The following FAN1 variants were observed in gnomAD, a reference collection of about 807,000 sequenced individuals.
FAN1 encodes FANCD2 and FANCI associated nuclease 1.
FAN1 carries 91 observed loss-of-function variants against 104.9 expected under a neutral mutation model. The ratio of observed to expected loss-of-function variants is 0.87; its 90% CI spans 0.73 to 1.03. The LOEUF (loss-of-function observed/expected upper bound fraction) is 1.03, where lower values mean the gene tolerates loss of function less well. FAN1 is among the 50% of genes least tolerant of loss of function. FAN1 has a pLI of 0.00. For synonymous variants in FAN1, 478 were observed against 457.6 expected, an observed-to-expected ratio of 1.04 and a Z score of -0.57; for missense variants, 1,263 against 1,239.9, an observed-to-expected ratio of 1.02 and a Z score of -0.28.
In FAN1 at chr15:30,930,633, G is replaced by A. The variant is rs751703979; in HGVS notation, c.2878G>A (p.Asp960Asn). 7.1e-5 allele frequency: 115 copies of A among 1,612,786 alleles called. No individual in the cohort carries two copies. The highest frequency in any genetic ancestry group is 9.0e-5 in the Non-Finnish European group (106 of 1,179,542). Residue 960 changes from aspartate (D) to asparagine (N), a missense_variant, in exon 13 of 15, where the codon GAC (aspartate) becomes AAC (asparagine). By Grantham distance (23) the Asp-to-Asn change is conservative. Coordinates refer to ENST00000362065, the MANE Select transcript of FAN1 (RefSeq NM_014967.5). ...TCGACACTGTCGAGGGGGCCTCCCC[G>A]ACCTGGTGGTGTGGAACTCCCAGAG... is the stretch of plus-strand genomic sequence containing the variant. ...DFRHCRGGLP[D>N]LVVWNSQSRH... is the part of the protein sequence containing the mutation.
In FAN1 at chr15:30,925,156, G is replaced by T; in HGVS notation, c.2202G>T (p.Ala734=). 1 of 1,613,882 alleles carries T rather than the reference G, an allele frequency of 6.2e-7. No homozygotes were observed. The highest frequency in any genetic ancestry group is 1.7e-5 in the Admixed American group (1 of 60,004). ...TCAAGTGCATCACAGAGGGGCTGGC[G>T]GATCCGGAAGTCAGAACGGGACACC... The part of the protein sequence containing the change: ...PTIKCITEGL[A]DPEVRTGHRL... The change falls in exon 9 of 15, where the codon GCG becomes GCT. Residue 734 remains alanine (A), a synonymous_variant. Coordinates refer to ENST00000362065, the MANE Select transcript of FAN1 (RefSeq NM_014967.5).
chr15:30,937,640 C>T (rs1482921367), intron 14 of FAN1, among the ~76,000 whole-genome samples: 3 of 151,278 alleles, frequency 2.0e-5, no homozygotes, highest in Admixed American at 6.6e-5. Flanking sequence ...TTAGTAGAGA[C>T]GGGGTTTCAC....
intron 2 of FAN1, among the ~76,000 whole-genome samples, chr15:30,906,147 G>A (rs2061974211): frequency 2.0e-5 from 3 of 152,144 alleles, no homozygotes; most frequent in African/African-American, 7.2e-5. Flanking sequence ...GGAAGCAGCT[G>A]TTTTTCTTTT....
intron 11 of FAN1, chr15:30,928,899 C>A (rs964778270): frequency 3.2e-6 from 2 of 623,260 alleles, no homozygotes; most frequent in South Asian, 1.4e-4. Context: ...GTATAAAGTA[C>A]CATCAGCATC....
In FAN1 at chr15:30,941,847, G is replaced by A. The variant is rs750740747; in HGVS notation, c.*285G>A. 5.6e-6 allele frequency: 9 copies of A among 1,614,060 alleles called. 1 individual carries two copies. Among genetic ancestry groups the A allele is most frequent in the Non-Finnish European group, 7.6e-6 (9 of 1,179,910 alleles). ...TAGCACAGTTTCCACAGTTTTATGT[G>A]TGTTCCAGAGACACGTGGCAGAATA... On this transcript the variant is annotated 3_prime_UTR_variant, in exon 15 of 15. Transcript: ENST00000362065.
Position 30,907,559 on chromosome 15 carries a change from A to T in FAN1, c.1235-559A>T, listed in dbSNP as rs947614727. Among the ~76,000 whole-genome samples the T allele has an allele frequency of 5.9e-5, 9 of 152,234 alleles. No individual in the cohort carries two copies. In the South Asian group the frequency reaches 1.9e-3, roughly 32 times the overall value. ...AAAACAAAACAAAAAAACAACCAAA[A>T]AAAACAACACCAGCATGAACCATCA... On this transcript the variant is annotated intron_variant, in intron 2 of 14. Transcript: ENST00000362065.
chr15:30,927,131 C>A, intron 10 of FAN1: 1 of 912,616 alleles, frequency 1.1e-6, no homozygotes, highest in Non-Finnish European at 1.3e-6. Context: ...ATCTCTTGAC[C>A]CCAGGAGGTC....
intron 4 of FAN1, chr15:30,911,580 CGT>C (rs1566913620): frequency 7.3e-6 from 7 of 961,160 alleles, no homozygotes; most frequent in Non-Finnish European, 8.7e-6. Flanking sequence ...GAAAAAAGCT[CGT>C]GTTATAGATT....
intron 10 of FAN1, chr15:30,926,705 A>G (rs2062472186): frequency 1.6e-5 from 16 of 985,430 alleles, no homozygotes; most frequent in Non-Finnish European, 1.9e-5. Context: ...TAGAATGCAC[A>G]TTCAAGGCCC....
intron 5 of FAN1, among the ~76,000 whole-genome samples, chr15:30,914,394 A>G (rs887425576): frequency 2.6e-5 from 4 of 152,074 alleles, no homozygotes; most frequent in African/African-American, 9.7e-5. Flanking sequence ...TTAATTTGAG[A>G]CAGGATTTCG....
chr15:30,910,763 G>T lies in FAN1; in HGVS notation c.1525G>T (p.Val509Phe). 6.2e-7 allele frequency: 1 copy of T among 1,614,148 alleles called. No homozygotes were observed. The highest frequency in any genetic ancestry group is 8.5e-7 in the Non-Finnish European group (1 of 1,180,026). The change falls in exon 4 of 15, where the codon GTC (valine) becomes TTC (phenylalanine). Residue 509 changes from valine (V) to phenylalanine (F), a missense_variant. By Grantham distance (50) the Val-to-Phe change is conservative (BLOSUM62 -1). Coordinates refer to ENST00000362065, the MANE Select transcript of FAN1 (RefSeq NM_014967.5). ...TCTCAAATTGGCCAAACAGCGTTCAGTCTGCACTTGGGGCAAGAATAAGCC... is the reference window on the plus strand; with the variant it reads ...TCTCAAATTGGCCAAACAGCGTTCATTCTGCACTTGGGGCAAGAATAAGCC... ...AFLKLAKQRS[V>F]CTWGKNKPGI... is the part of the protein sequence containing the mutation.
chr15:30,941,962 T>TG lies in FAN1; in HGVS notation c.*402dup, dbSNP rs1263347360. The TG allele has an allele frequency of 6.2e-7, 1 of 1,613,936 alleles. No individual in the cohort carries two copies. Among genetic ancestry groups the TG allele is most frequent in the African/African-American group, 1.3e-5 (1 of 74,940 alleles). On this transcript the variant is annotated 3_prime_UTR_variant, in exon 15 of 15. Transcript: ENST00000362065. ...GGCTGTCGGTTTGCTGAGCTGGATC[T>TG]GGCTTTGGTTTTAATATCAATGAAT... is the stretch of plus-strand genomic sequence containing the variant.
At chr15:30,931,986 A>G (rs2062722153) in intron 13 of FAN1, among the ~76,000 whole-genome samples, 1 of 151,422 alleles carries the variant, frequency 6.6e-6, no homozygotes, top group African/African-American at 2.4e-5. Flanking sequence ...ACTTTGGGAG[A>G]CAGAGGTGGG....
intron 14 of FAN1, chr15:30,940,093 T>C (rs1348864702): frequency 1.0e-6 from 1 of 984,468 alleles, no homozygotes; most frequent in Non-Finnish European, 1.2e-6. Flanking sequence ...ACTAGACACT[T>C]TACTATAAAA....
At chr15:30,928,391 G>C (rs2062519929) in intron 10 of FAN1, 162 bp from the exon 11 acceptor site, 9 of 1,451,334 alleles carry the variant, frequency 6.2e-6, no homozygotes, top group Non-Finnish European at 7.2e-6. Context: ...AAATAAACTG[G>C]GAATGGCGTG....
chr15:30,928,497 A>T (rs963643211), intron 10 of FAN1, 56 bp from the exon 11 acceptor site: 5 of 1,493,304 alleles, frequency 3.3e-6, no homozygotes, highest in Middle Eastern at 1.9e-4. Context: ...GAAACAGATA[A>T]AACAGATTTT....
At chr15:30,940,655 A>G (rs751651724) in intron 14 of FAN1, 2 of 986,496 alleles carry the variant, frequency 2.0e-6, no homozygotes, top group Non-Finnish European at 2.4e-6. Flanking sequence ...TCAGCACCCC[A>G]GAGGCCACTC....
rs189306289 is a variant in FAN1 at position 30,925,208 on chromosome 15, C to T, written c.2254C>T (p.Arg752Cys). 44 of 1,613,966 alleles carry T rather than the reference C, an allele frequency of 2.7e-5. No individual in the cohort carries two copies. Among genetic ancestry groups the T allele is most frequent in the East Asian group, 4.5e-5 (2 of 44,872 alleles). Residue 752 changes from arginine (R) to cysteine (C), a missense_variant, in exon 9 of 15, where the codon CGC (arginine) becomes TGC (cysteine). Arg to Cys is a radical substitution (Grantham distance 180). Coordinates refer to ENST00000362065, the MANE Select transcript of FAN1 (RefSeq NM_014967.5). ...CCTTTCACTGTATCAGCGAGCCGTG[C>T]GCCTGCGAGAGTCTCCGAGCTGTAA... ...HRLSLYQRAV[R>C]LRESPSCKKF...
At chr15:30,920,243 A>G (rs1287582910) in intron 6 of FAN1, among the ~76,000 whole-genome samples, 5 of 152,212 alleles carry the variant, frequency 3.3e-5, no homozygotes, top group African/African-American at 1.2e-4. Context: ...CATAAAAACC[A>G]TTCTTAGTTT....
Sources: gnomAD v4.1 joint callset for allele counts (sites outside exome capture counted in the v4.1 genomes callset) on GRCh38, gnomAD v4.1.1 for gene constraint, MANE v1.5 for transcripts, NCBI Gene and HGNC (gene_info 2026-07-23, HGNC 2026-07-21) for gene names.